The following TBC1D2 variants were observed in gnomAD, a reference collection of about 807,000 sequenced individuals.
The protein encoded by TBC1D2 is TBC1 domain family member 2A.
A neutral mutation model predicts 91.1 loss-of-function variants in TBC1D2; 58 were observed. The observed-to-expected ratio is 0.64, with a 90% CI of 0.52 to 0.79. The LOEUF is 0.79. Ranked by LOEUF, TBC1D2 falls within the 30% of genes least tolerant of loss-of-function variation. The pLI, the probability that TBC1D2 is intolerant of heterozygous loss-of-function variation, is 0.00. For missense variants in TBC1D2, 1,080 were observed against 1,208.3 expected (o/e 0.89, Z 1.57); for synonymous variants, 482 against 511.5 (o/e 0.94, Z 0.78).
chr9:98,221,018 C>A lies in TBC1D2; in HGVS notation c.1189G>T (p.Val397Leu), dbSNP rs1410975794. 2 of 1,614,108 alleles carry A rather than the reference C, an allele frequency of 1.2e-6. No homozygotes were observed. The highest frequency in any genetic ancestry group is 1.1e-5 in the South Asian group (1 of 91,088). Residue 397 changes from valine to leucine, a missense_variant, in exon 6 of 13, where the codon GTG becomes TTG. Physicochemically the swap from Val to Leu is conservative, Grantham distance 32. Transcript: ENST00000465784. ...AHTASLREQQ[V>L]QELQQHVQLL... ...TGCACGTGCTGCTGTAGCTCCTGCA[C>A]CTGCTGCTCCCGCAGGCTCGCTGTG...
rs548201089 is a variant in TBC1D2 at position 98,203,915 on chromosome 9, A to G, written c.2151-507T>C. On this transcript the variant is annotated intron_variant, in intron 9 of 12. Coordinates refer to ENST00000465784, the MANE Select transcript of TBC1D2 (RefSeq NM_001267571.2). ...TTTCATGATCTGTAAAGTGAGATTAACAATATCTATCCCCCCGGGGCCAAG... is the reference window on the plus strand; with the variant it reads ...TTTCATGATCTGTAAAGTGAGATTAGCAATATCTATCCCCCCGGGGCCAAG... Among the ~76,000 whole-genome samples, 7 of 152,308 alleles carry G rather than the reference A, an allele frequency of 4.6e-5. No individual in the cohort carries two copies. The South Asian group carries it at 1.0e-3, about 23-fold the overall frequency.
Position 98,228,959 on chromosome 9 carries a change from G to T in TBC1D2, c.971C>A (p.Ser324Tyr). ...CCTGGGACCAGACCTCACCTTCTGA[G>T]ACTTTAACTCCTTGGTGAGCATCAG... ...QVLMLTKELK[S>Y]QKELVKILHK... Residue 324 changes from serine (S) to tyrosine (Y), a missense_variant, in exon 5 of 13, where the codon TCT (serine) becomes TAT (tyrosine). Ser to Tyr is a moderately radical substitution (Grantham distance 144, BLOSUM62 -2). Transcript: ENST00000465784. The surrounding 1 kb of genome is among the most constrained non-coding windows in gnomAD (Gnocchi z 4.0). 2 of 1,613,982 alleles carry T rather than the reference G, an allele frequency of 1.2e-6. No individual in the cohort carries two copies. Among genetic ancestry groups the T allele is most frequent in the African/African-American group, 1.3e-5 (1 of 75,046 alleles).
At chr9:98,200,205 T>C (rs770245446) in intron 12 of TBC1D2, 48 bp downstream of exon 12, 5 of 1,608,496 alleles carry the variant, frequency 3.1e-6, no homozygotes, top group Non-Finnish European at 4.2e-6. Flanking sequence ...CTATGTGTCC[T>C]TGGGGGTGTG....
chr9:98,239,011 C>T (rs536289209), intron 3 of TBC1D2, among the ~76,000 whole-genome samples: 10 of 152,146 alleles, frequency 6.6e-5, no homozygotes, highest in Non-Finnish European at 1.3e-4. Flanking sequence ...GCATGAGCCA[C>T]TGTGCCTGGC....
chr9:98,203,729 T>C (rs1828574349), intron 9 of TBC1D2, among the ~76,000 whole-genome samples: 1 of 152,134 alleles, frequency 6.6e-6, no homozygotes, highest in African/African-American at 2.4e-5. Context: ...AGCCTCAGTC[T>C]CATAATAATC....
chr9:98,235,976 A>T (rs1347525976), intron 3 of TBC1D2, among the ~76,000 whole-genome samples: 1 of 151,618 alleles, frequency 6.6e-6, no homozygotes, highest in Admixed American at 6.6e-5. Context: ...TGGAGCTTGC[A>T]GTGAGCCGAG....
chr9:98,219,051 T>C (rs922713132), intron 6 of TBC1D2, among the ~76,000 whole-genome samples: 1 of 152,242 alleles, frequency 6.6e-6, no homozygotes, highest in East Asian at 1.9e-4. Context: ...ATGTTTTTCT[T>C]TTAACCCAAA....
At chr9:98,231,426 A>G (rs1282826982) in intron 4 of TBC1D2, among the ~76,000 whole-genome samples, 2 of 151,996 alleles carry the variant, frequency 1.3e-5, no homozygotes, top group African/African-American at 4.8e-5. Context: ...CCTCCATTTA[A>G]AAATCTGATT....
intron 3 of TBC1D2, among the ~76,000 whole-genome samples, chr9:98,240,166 G>GGTGTGTGTGTGTGTGTGTGT (rs60630078): frequency 1.7e-4 from 24 of 137,972 alleles, no homozygotes; most frequent in African/African-American, 4.2e-4. Context: ...GTGTTTGTGT[G>GGTGTGTGTGTGTGTGTGTGT]GTGTGTGTGT....
At chr9:98,235,501 C>T in intron 3 of TBC1D2, 1 of 443,216 alleles carries the variant, frequency 2.3e-6, no homozygotes, top group Non-Finnish European at 4.4e-6. Context: ...CAATTTTTTG[C>T]AAAGAAAAGG....
At chr9:98,249,884 T>A (rs1829836439) in intron 2 of TBC1D2, among the ~76,000 whole-genome samples, 1 of 152,176 alleles carries the variant, frequency 6.6e-6, no homozygotes, top group Non-Finnish European at 1.5e-5. Flanking sequence ...ATTATAAAGT[T>A]TAGTGTATTG....
At chr9:98,241,147 TA>T (rs1829627365) in intron 3 of TBC1D2, among the ~76,000 whole-genome samples, 1 of 152,108 alleles carries the variant, frequency 6.6e-6, no homozygotes, top group Admixed American at 6.6e-5. Flanking sequence ...ACCAATGAAG[TA>T]AATACTATTC....
At chr9:98,245,768 T>G (rs962271103) in intron 2 of TBC1D2, among the ~76,000 whole-genome samples, 1 of 152,308 alleles carries the variant, frequency 6.6e-6, no homozygotes, top group Admixed American at 6.5e-5. Flanking sequence ...AAAAAGAATA[T>G]GTATTTATCA....
chr9:98,216,578 A>G (rs1408308931), intron 6 of TBC1D2, among the ~76,000 whole-genome samples: 1 of 152,220 alleles, frequency 6.6e-6, no homozygotes, highest in Non-Finnish European at 1.5e-5. Flanking sequence ...CTCAGCAGAC[A>G]CTGCGTAGAG....
chr9:98,207,996 G>A (rs1467955143), intron 9 of TBC1D2, among the ~76,000 whole-genome samples: 1 of 152,090 alleles, frequency 6.6e-6, no homozygotes, highest in Non-Finnish European at 1.5e-5. Context: ...TCTTTTCCCC[G>A]GGTCTTCTGC....
chr9:98,244,161 T>C (rs10818669), intron 2 of TBC1D2, 32 bp from the exon 3 acceptor site: 847,816 of 1,607,120 alleles, frequency 0.53, 228,639 homozygotes, highest in African/African-American at 0.85. Flanking sequence ...ATCCATCAGC[T>C]GGGTCACTGC....
chr9:98,219,061 A>G (rs1404811513), intron 6 of TBC1D2, among the ~76,000 whole-genome samples: 2 of 152,240 alleles, frequency 1.3e-5, no homozygotes, highest in African/African-American at 2.4e-5. Flanking sequence ...TTTAACCCAA[A>G]AGAATCTCTG....
At chr9:98,227,419 C>T (rs1588049038) in intron 5 of TBC1D2, among the ~76,000 whole-genome samples, 1 of 152,046 alleles carries the variant, frequency 6.6e-6, no homozygotes, top group East Asian at 1.9e-4. Flanking sequence ...AAATGAGCCC[C>T]CTCCTTTGAG....
chr9:98,254,659 G>A (rs1829935793), intron 1 of TBC1D2, among the ~76,000 whole-genome samples: 1 of 152,218 alleles, frequency 6.6e-6, no homozygotes, highest in Non-Finnish European at 1.5e-5. Context: ...AGGCTGATCA[G>A]TGAAACCTAA....
Sources: allele counts gnomAD v4.1 joint callset (sites outside exome capture counted in the v4.1 genomes callset), GRCh38; gene constraint gnomAD v4.1.1; non-coding constraint Gnocchi (gnomAD v3.1); transcripts MANE v1.5; gene names NCBI Gene and HGNC (gene_info 2026-07-23, HGNC 2026-07-21).